Variants in SEMA3E observed in about 807,000 individuals in gnomAD.
SEMA3E encodes the protein semaphorin 3E, also known as semaphorin-3E.
SEMA3E carries 49 observed loss-of-function variants against 93.6 expected under a neutral mutation model. The observed-to-expected ratio is 0.52, with a 90% CI of 0.42 to 0.66. The LOEUF (loss-of-function observed/expected upper bound fraction) is 0.66, where lower values mean the gene tolerates loss of function less well. Among genes scored for constraint, SEMA3E ranks in the 30% least tolerant of loss-of-function variants. SEMA3E has a pLI of 0.00. For missense variants in SEMA3E, 906 were observed against 964.8 expected, an observed-to-expected ratio of 0.94 and a Z score of 0.81; for synonymous variants, 363 against 330.7, an observed-to-expected ratio of 1.10 and a Z score of -1.06.
At chr7:83,534,204 C>T (rs1432317073) in intron 1 of SEMA3E, among the ~76,000 whole-genome samples, 2 of 152,090 alleles carry the variant, frequency 1.3e-5, no homozygotes, top group African/African-American at 4.8e-5. Context: ...AAAATAAATA[C>T]TGATATTTTC....
intron 4 of SEMA3E, among the ~76,000 whole-genome samples, chr7:83,431,085 G>T (rs1300117216): frequency 4.2e-4 from 2 of 4,804 alleles, no homozygotes; most frequent in Non-Finnish European, 1.3e-3. Flanking sequence ...CCAAAAAAAA[G>T]AAAAAAAAGA....
At chr7:83,623,339 G>A (rs1462393630) in intron 1 of SEMA3E, among the ~76,000 whole-genome samples, 1 of 152,090 alleles carries the variant, frequency 6.6e-6, no homozygotes, top group Admixed American at 6.6e-5. Flanking sequence ...AATGGAGGAA[G>A]CATATCTCTA....
At chr7:83,445,483 T>C (rs1435588987) in intron 4 of SEMA3E, among the ~76,000 whole-genome samples, 1 of 152,164 alleles carries the variant, frequency 6.6e-6, no homozygotes, top group Non-Finnish European at 1.5e-5. Flanking sequence ...TCTGGGAGGC[T>C]GAGGCGGGTG....
At chr7:83,436,201 C>T (rs886317092) in intron 4 of SEMA3E, among the ~76,000 whole-genome samples, 1 of 151,428 alleles carries the variant, frequency 6.6e-6, no homozygotes, top group Non-Finnish European at 1.5e-5. Context: ...CACACACACG[C>T]ATACATATAA....
intron 4 of SEMA3E, among the ~76,000 whole-genome samples, chr7:83,454,128 G>T (rs1789424234): frequency 1.3e-5 from 2 of 150,640 alleles, no homozygotes; most frequent in Admixed American, 1.3e-4. Flanking sequence ...CGTGGTGGCG[G>T]GCTCTTGTAG....
At chr7:83,469,125 G>T (rs527632614) in intron 3 of SEMA3E, 118 bp downstream of exon 3, 13 of 771,694 alleles carry the variant, frequency 1.7e-5, no homozygotes, top group East Asian at 5.3e-5. Context: ...TTTTCTTCAT[G>T]AACCAAATTG....
At chr7:83,604,631 ATTTAC>A (rs913719476) in intron 1 of SEMA3E, among the ~76,000 whole-genome samples, 2 of 151,682 alleles carry the variant, frequency 1.3e-5, no homozygotes, top group East Asian at 1.9e-4. Flanking sequence ...ACATATATAT[ATTTAC>A]TTTAAGTTCA....
chr7:83,636,699 G>A (rs10246487), intron 1 of SEMA3E, among the ~76,000 whole-genome samples: 2,754 of 152,250 alleles, frequency 0.018, 89 homozygotes, highest in African/African-American at 0.061. Context: ...ATACTAGTGT[G>A]TGTGGTAGAG....
intron 16 of SEMA3E, among the ~76,000 whole-genome samples, chr7:83,381,492 T>C (rs1211437642): frequency 2.0e-5 from 3 of 151,976 alleles, no homozygotes; most frequent in African/African-American, 7.2e-5. Flanking sequence ...AGGCCTTCTA[T>C]GGCCACCCTT....
At chr7:83,403,939 A>T (rs1788278932) in intron 9 of SEMA3E, among the ~76,000 whole-genome samples, 1 of 151,952 alleles carries the variant, frequency 6.6e-6, no homozygotes, top group African/African-American at 2.4e-5. Context: ...AATAGAAATT[A>T]TAGAAGAAAA....
chr7:83,542,904 T>C (rs925658969), intron 1 of SEMA3E, among the ~76,000 whole-genome samples: 3 of 152,162 alleles, frequency 2.0e-5, no homozygotes, highest in Non-Finnish European at 2.9e-5. Context: ...AAATTCATAC[T>C]GTAATCAGGG....
At chr7:83,443,068 T>C (rs1480530289) in intron 4 of SEMA3E, among the ~76,000 whole-genome samples, 1 of 152,128 alleles carries the variant, frequency 6.6e-6, no homozygotes, top group East Asian at 1.9e-4. Context: ...AGCAGCTCTG[T>C]AATGGTAAAG....
intron 1 of SEMA3E, among the ~76,000 whole-genome samples, chr7:83,505,980 A>G (rs1790695881): frequency 7.1e-6 from 1 of 141,712 alleles, no homozygotes; most frequent in Non-Finnish European, 1.5e-5. Flanking sequence ...GCACCACTGC[A>G]CTCCAGCCTG....
At chr7:83,639,136 A>AAAAAAAAAAAAAC (rs1562866057) in intron 1 of SEMA3E, among the ~76,000 whole-genome samples, 4 of 132,064 alleles carry the variant, frequency 3.0e-5, no homozygotes, top group African/African-American at 1.1e-4. Flanking sequence ...AAAAAAAAAA[A>AAAAAAAAAAAAAC]AAAACAGAGA....
At chr7:83,518,569 A>C (rs946911849) in intron 1 of SEMA3E, among the ~76,000 whole-genome samples, 2 of 152,220 alleles carry the variant, frequency 1.3e-5, no homozygotes, top group Non-Finnish European at 2.9e-5. Flanking sequence ...TTCCTCATCC[A>C]TACAATAAAG....
chr7:83,385,461 T>C, intron 15 of SEMA3E, 28 bp from the exon 16 acceptor site: 3 of 1,611,070 alleles, frequency 1.9e-6, no homozygotes, highest in East Asian at 2.2e-5. Flanking sequence ...ATGCCATCTT[T>C]GAGACTTAGA....
At chr7:83,553,393 C>T (rs1314447713) in intron 1 of SEMA3E, among the ~76,000 whole-genome samples, 4 of 152,142 alleles carry the variant, frequency 2.6e-5, no homozygotes, top group Non-Finnish European at 4.4e-5. Flanking sequence ...TACAGTCCTC[C>T]ACTTTGTACT....
chr7:83,415,331 A>G (rs1022898978), intron 5 of SEMA3E, among the ~76,000 whole-genome samples: 1 of 152,100 alleles, frequency 6.6e-6, no homozygotes, highest in Non-Finnish European at 1.5e-5. Flanking sequence ...ATGCAGAAAT[A>G]TGGCACCTGA....
At chr7:83,464,895 C>T (rs1170040127) in intron 4 of SEMA3E, among the ~76,000 whole-genome samples, 1 of 151,224 alleles carries the variant, frequency 6.6e-6, no homozygotes, top group African/African-American at 2.4e-5. Context: ...CCCAACACTT[C>T]AACACTATTT....
Sources: gnomAD v4.1 joint callset for allele counts (sites outside exome capture counted in the v4.1 genomes callset) on GRCh38, gnomAD v4.1.1 for gene constraint, MANE v1.5 for transcripts, NCBI Gene and HGNC (gene_info 2026-07-23, HGNC 2026-07-21) for gene names.